The following DDR2 variants were observed in gnomAD, a reference collection of about 807,000 sequenced individuals.
DDR2 encodes the protein discoidin domain-containing receptor 2.
Under a neutral mutation model 94.9 loss-of-function variants are expected in DDR2, and 27 were observed. The ratio of observed to expected loss-of-function variants is 0.28; its 90% CI spans 0.21 to 0.39. The LOEUF (loss-of-function observed/expected upper bound fraction) is 0.39, where lower values mean the gene tolerates loss of function less well. Among genes scored for constraint, DDR2 ranks in the 10% least tolerant of loss-of-function variants. The pLI is 1.00. For missense variants in DDR2, 783 were observed against 1,076.0 expected, an observed-to-expected ratio of 0.73 and a Z score of 3.81; for synonymous variants, 382 against 377.2, an observed-to-expected ratio of 1.01 and a Z score of -0.15.
At chr1:162,758,944 C>T (rs1234752490) in intron 7 of DDR2, among the ~76,000 whole-genome samples, 3 of 152,118 alleles carry the variant, frequency 2.0e-5, no homozygotes, top group Non-Finnish European at 2.9e-5. Flanking sequence ...AGGAAGGAGC[C>T]TCTTCGTGTT....
Position 162,785,098 on chromosome 1 carries a change from T to C in DDR2, c.*4852T>C, listed in dbSNP as rs555557214. Reference sequence around the variant, plus strand: ...TTCTAAATTTTCTGATTTGTTTGGCTGTTTGGCATCTGAAACAATCCAAGA... The same window carrying C: ...TTCTAAATTTTCTGATTTGTTTGGCCGTTTGGCATCTGAAACAATCCAAGA... On this transcript the variant is annotated 3_prime_UTR_variant, in exon 18 of 18. Coordinates refer to ENST00000367921, the MANE Select transcript of DDR2 (RefSeq NM_006182.4). The C allele has an allele frequency of 6.6e-6, 1 of 152,362 alleles. No homozygotes were observed. The highest frequency in any genetic ancestry group is 2.1e-4 in the South Asian group (1 of 4,822). 9.4% of individuals were successfully genotyped at this position (152,362 alleles called of 1,614,324 possible). A position where few individuals can be genotyped will look rare whatever the true frequency, so the allele number is the denominator to read the frequency against.
chr1:162,665,637 A>G (rs1369753160), intron 2 of DDR2, among the ~76,000 whole-genome samples: 1 of 151,394 alleles, frequency 6.6e-6, no homozygotes, highest in Non-Finnish European at 1.5e-5. Context: ...GATATAACAG[A>G]TAATATCATT....
At chr1:162,631,215 TG>T, upstream of DDR2, among the ~76,000 whole-genome samples, 1 of 147,312 alleles carries the variant, frequency 6.8e-6, no homozygotes, top group Non-Finnish European at 1.5e-5. Flanking sequence ...TGTGTGTGTG[TG>T]TGTGTGTGTG....
rs1296206863 is a variant in DDR2, at chr1:162,782,311, A to G, written c.*2065A>G. 1 of 152,224 alleles carries G rather than the reference A, an allele frequency of 6.6e-6. No individual in the cohort carries two copies. Among genetic ancestry groups the G allele is most frequent in the Non-Finnish European group, 1.5e-5 (1 of 68,048 alleles). 9.4% of individuals were successfully genotyped at this position (152,224 alleles called of 1,614,324 possible). On this transcript the variant is annotated 3_prime_UTR_variant, in exon 18 of 18. Transcript: ENST00000367921. Reference sequence around the variant, plus strand: ...CAGTACTCACTGGAAAATTGGATCTATAACTGATGGGTTTAGTAATCTGGT... The same window carrying G: ...CAGTACTCACTGGAAAATTGGATCTGTAACTGATGGGTTTAGTAATCTGGT...
chr1:162,766,657 G>GA (rs1305918828), intron 10 of DDR2, among the ~76,000 whole-genome samples: 2 of 152,130 alleles, frequency 1.3e-5, no homozygotes, highest in Admixed American at 1.3e-4. Context: ...GGGAAGAATA[G>GA]AAAAACTCAC....
intron 2 of DDR2, among the ~76,000 whole-genome samples, chr1:162,709,891 A>G (rs1660820314): frequency 6.6e-6 from 1 of 152,218 alleles, no homozygotes; most frequent in Non-Finnish European, 1.5e-5. Context: ...TAACACTTCT[A>G]AAATACTGTT....
intron 2 of DDR2, among the ~76,000 whole-genome samples, chr1:162,708,093 G>C (rs966612571): frequency 1.3e-5 from 2 of 152,164 alleles, no homozygotes; most frequent in African/African-American, 4.8e-5. Context: ...CTGTCTCTTT[G>C]TGGTAAAAAC....
intron 3 of DDR2, among the ~76,000 whole-genome samples, chr1:162,742,932 G>A (rs1258877138): frequency 1.3e-5 from 2 of 152,050 alleles, no homozygotes; most frequent in East Asian, 1.9e-4. Context: ...AGGATAGCAC[G>A]GGAAAGACGG....
rs151053255 is a variant in DDR2, at chr1:162,746,060, G to A, written c.83-7035G>A. ...GTCTACAGCTCCCAGTGTGAGCAAC[G>A]CAGAAGATGGGTGATTTCTGCATTT... On this transcript the variant is annotated intron_variant, in intron 3 of 17. Coordinates refer to ENST00000367921, the MANE Select transcript of DDR2 (RefSeq NM_006182.4). Among the ~76,000 whole-genome samples, 1,453 of 152,288 alleles carry A rather than the reference G, an allele frequency of 9.5e-3. 22 individuals are homozygous for A. Among genetic ancestry groups the A allele is most frequent in the African/African-American group, 0.033 (1,384 of 41,560 alleles).
At chr1:162,677,173 T>TG (rs1460679654) in intron 2 of DDR2, among the ~76,000 whole-genome samples, 1 of 152,094 alleles carries the variant, frequency 6.6e-6, no homozygotes, top group Non-Finnish European at 1.5e-5. Flanking sequence ...AAGCCCATGT[T>TG]GGGGTGAGGA....
chr1:162,773,745 G>A (rs907293572), intron 14 of DDR2, 149 bp downstream of exon 14: 48 of 1,085,574 alleles, frequency 4.4e-5, no homozygotes, highest in Non-Finnish European at 5.8e-5. Context: ...TTCTTATTCC[G>A]ATGGGGTCGG....
At chr1:162,706,400 T>C (rs1660663713) in intron 2 of DDR2, among the ~76,000 whole-genome samples, 1 of 152,168 alleles carries the variant, frequency 6.6e-6, no homozygotes. Context: ...CCTCAAAGCA[T>C]CGTCTGAGCC....
intron 2 of DDR2, among the ~76,000 whole-genome samples, chr1:162,687,591 G>A (rs778775315): frequency 3.2e-4 from 48 of 152,154 alleles, no homozygotes; most frequent in Non-Finnish European, 4.3e-4. Flanking sequence ...GTAGCCCTGC[G>A]TGTTCTCATC....
chr1:162,719,295 G>T (rs1422274788), intron 3 of DDR2, 150 bp downstream of exon 3: 8 of 1,410,474 alleles, frequency 5.7e-6, no homozygotes, highest in Admixed American at 2.3e-5. Context: ...AAAATAGGAA[G>T]AAAAATGAAT....
intron 3 of DDR2, among the ~76,000 whole-genome samples, chr1:162,719,812 C>T (rs748776569): frequency 6.6e-6 from 1 of 152,132 alleles, no homozygotes; most frequent in Non-Finnish European, 1.5e-5. Flanking sequence ...CTTGTTTGGA[C>T]TGTTCTCTGT....
At chr1:162,758,952 G>T (rs1260798575) in intron 7 of DDR2, among the ~76,000 whole-genome samples, 1 of 152,074 alleles carries the variant, frequency 6.6e-6, no homozygotes, top group African/African-American at 2.4e-5. Flanking sequence ...GCCTCTTCGT[G>T]TTCTCTAAGT....
At chr1:162,712,761 G>T (rs1276427706) in intron 2 of DDR2, among the ~76,000 whole-genome samples, 3 of 152,190 alleles carry the variant, frequency 2.0e-5, no homozygotes, top group Non-Finnish European at 2.9e-5. Context: ...ATGTTCTTTG[G>T]TAAATATTGG....
intron 2 of DDR2, among the ~76,000 whole-genome samples, chr1:162,704,854 C>T (rs940375642): frequency 2.6e-5 from 4 of 152,126 alleles, no homozygotes; most frequent in African/African-American, 9.7e-5. Context: ...TTTTACATAA[C>T]GGGGGTTTAC....
chr1:162,680,705 A>G (rs1659358406), intron 2 of DDR2, among the ~76,000 whole-genome samples: 1 of 152,210 alleles, frequency 6.6e-6, no homozygotes, highest in Non-Finnish European at 1.5e-5. Flanking sequence ...ATTTAGGAAA[A>G]TGGACTCCTT....
Sources: allele counts gnomAD v4.1 joint callset (sites outside exome capture counted in the v4.1 genomes callset), GRCh38; gene constraint gnomAD v4.1.1; transcripts MANE v1.5; gene names NCBI Gene and HGNC (gene_info 2026-07-23, HGNC 2026-07-21).